The following THEMIS variants were observed in gnomAD, a reference collection of about 807,000 sequenced individuals.
THEMIS encodes thymocyte selection associated.
Under a neutral mutation model 52.6 loss-of-function variants are expected in THEMIS, and 37 were observed. The observed-to-expected ratio is 0.70, with a 90% CI of 0.54 to 0.93. The LOEUF (loss-of-function observed/expected upper bound fraction) is 0.93. THEMIS is among the 40% of genes least tolerant of loss of function. The pLI is 0.00. For synonymous variants in THEMIS, 292 were observed against 272.7 expected, an observed-to-expected ratio of 1.07 and a Z score of -0.70; for missense variants, 808 against 763.1, an observed-to-expected ratio of 1.06 and a Z score of -0.69.
intron 1 of THEMIS, among the ~76,000 whole-genome samples, chr6:127,911,548 C>T (rs1781411262): frequency 6.6e-6 from 1 of 151,256 alleles, no homozygotes; most frequent in African/African-American, 2.5e-5. Context: ...TGTATACACA[C>T]ACATATAAAT....
chr6:127,749,634 T>C (rs770118360), intron 4 of THEMIS, among the ~76,000 whole-genome samples: 2 of 151,710 alleles, frequency 1.3e-5, no homozygotes, highest in Non-Finnish European at 2.9e-5. Flanking sequence ...TTTAGAGAAT[T>C]TGTGAAAGGT....
downstream of THEMIS, among the ~76,000 whole-genome samples, chr6:127,706,110 A>G (rs1338320376): frequency 6.6e-6 from 1 of 152,158 alleles, no homozygotes; most frequent in Non-Finnish European, 1.5e-5. Context: ...GTCATGGCAC[A>G]TAAGAGTGGA....
intron 4 of THEMIS, among the ~76,000 whole-genome samples, chr6:127,746,929 C>CTATAATTATATTATA (rs1208713929): frequency 6.0e-5 from 2 of 33,072 alleles, no homozygotes; most frequent in Non-Finnish European, 4.7e-5. Context: ...ATATAGATAT[C>CTATAATTATATTATA]TATAATTATA....
downstream of THEMIS, among the ~76,000 whole-genome samples, chr6:127,707,133 T>TATC (rs1296309810): frequency 6.6e-6 from 1 of 152,012 alleles, no homozygotes; most frequent in Non-Finnish European, 1.5e-5. Context: ...ACTCACTCAC[T>TATC]ATCAGGGGAA....
chr6:127,703,053 T>G, the THEMIS span, among the ~76,000 whole-genome samples: 439 of 120,358 alleles, frequency 3.6e-3, 3 homozygotes, highest in Non-Finnish European at 6.2e-3. Flanking sequence ...TTTTTTTTTT[T>G]TTTTTTTTTT....
At chr6:127,748,897 GATT>G (rs1317745945) in intron 4 of THEMIS, among the ~76,000 whole-genome samples, 1 of 151,972 alleles carries the variant, frequency 6.6e-6, no homozygotes, top group Non-Finnish European at 1.5e-5. Flanking sequence ...AGCAGCCCTG[GATT>G]AAAAGCCAGA....
chr6:127,803,063 T>C (rs978009804), intron 4 of THEMIS, among the ~76,000 whole-genome samples: 1 of 152,226 alleles, frequency 6.6e-6, no homozygotes, highest in Admixed American at 6.5e-5. Context: ...ACACCTACCA[T>C]ATGCTAAAAT....
intron 1 of THEMIS, among the ~76,000 whole-genome samples, chr6:127,864,574 C>T (rs1779913122): frequency 6.6e-6 from 1 of 151,998 alleles, no homozygotes; most frequent in Non-Finnish European, 1.5e-5. Context: ...TGCAGAAGTC[C>T]AGAGATTTCT....
chr6:127,772,172 T>G (rs1034781268), intron 4 of THEMIS, among the ~76,000 whole-genome samples: 1 of 152,080 alleles, frequency 6.6e-6, no homozygotes, highest in Admixed American at 6.6e-5. Flanking sequence ...AGTGCAACAA[T>G]GATTATTCTC....
chr6:127,844,338 T>C (rs1353310185), intron 2 of THEMIS, among the ~76,000 whole-genome samples: 1 of 151,956 alleles, frequency 6.6e-6, no homozygotes, highest in Non-Finnish European at 1.5e-5. Flanking sequence ...GTATCTTCAT[T>C]TGAGTGTGTG....
At chr6:127,820,289 C>T (rs1190086076) in intron 3 of THEMIS, among the ~76,000 whole-genome samples, 1 of 151,922 alleles carries the variant, frequency 6.6e-6, no homozygotes, top group African/African-American at 2.4e-5. Flanking sequence ...TTATGAAAGG[C>T]ATGGCCACAA....
At chr6:127,835,954 T>A (rs1022843395) in intron 2 of THEMIS, among the ~76,000 whole-genome samples, 6 of 152,146 alleles carry the variant, frequency 3.9e-5, no homozygotes, top group Non-Finnish European at 8.8e-5. Flanking sequence ...AGAGGGAGAA[T>A]AAAAGATGTA....
chr6:127,745,748 G>A (rs894327099), intron 4 of THEMIS, among the ~76,000 whole-genome samples: 1 of 151,738 alleles, frequency 6.6e-6, no homozygotes, highest in Non-Finnish European at 1.5e-5. Context: ...TTTTAGTTCT[G>A]TAATTGTGGA....
At chr6:127,781,296 C>CT (rs1776735705) in intron 4 of THEMIS, among the ~76,000 whole-genome samples, 6 of 151,804 alleles carry the variant, frequency 4.0e-5, no homozygotes, top group Admixed American at 3.9e-4. Context: ...TTCATCTAAC[C>CT]TTTTTTCAAG....
At chr6:127,703,891 G>A (rs1382731999), downstream of THEMIS, among the ~76,000 whole-genome samples, 1 of 152,094 alleles carries the variant, frequency 6.6e-6, no homozygotes, top group Non-Finnish European at 1.5e-5. Context: ...CCATTATGGA[G>A]GCTAAGAAGT....
intron 2 of THEMIS, among the ~76,000 whole-genome samples, chr6:127,853,773 C>T (rs373179805): frequency 6.6e-6 from 1 of 151,554 alleles, no homozygotes; most frequent in Non-Finnish European, 1.5e-5. Context: ...TATTTCAATA[C>T]GTAGCCCTCC....
intron 1 of THEMIS, among the ~76,000 whole-genome samples, chr6:127,899,905 A>T (rs1031735529): frequency 1.5e-4 from 6 of 41,182 alleles, no homozygotes; most frequent in Non-Finnish European, 4.0e-4. Context: ...TGTATATTTT[A>T]TATATATATA....
the THEMIS span, among the ~76,000 whole-genome samples, chr6:127,697,141 G>A: frequency 6.6e-6 from 1 of 152,102 alleles, no homozygotes. Context: ...CCAAAACTGA[G>A]CCTCTGAGAA....
upstream of THEMIS, among the ~76,000 whole-genome samples, chr6:127,905,849 C>A (rs1781256169): frequency 1.3e-5 from 2 of 150,356 alleles, no homozygotes; most frequent in Admixed American, 6.6e-5. Flanking sequence ...TTAATTAATC[C>A]AAAAAAGACG....
Sources: gnomAD v4.1 joint callset for allele counts (sites outside exome capture counted in the v4.1 genomes callset) on GRCh38, gnomAD v4.1.1 for gene constraint, MANE v1.5 for transcripts, NCBI Gene and HGNC (gene_info 2026-07-23, HGNC 2026-07-21) for gene names.